WDR26: variants seen among roughly 807,000 people sequenced by gnomAD.
WDR26 encodes the protein WD repeat-containing protein 26.
A neutral mutation model predicts 84.1 loss-of-function variants in WDR26; 5 were observed. The ratio of observed to expected loss-of-function variants is 0.06; its 90% CI spans 0.03 to 0.13. WDR26 has a LOEUF of 0.13. WDR26 is among the 10% of genes least tolerant of loss of function. The probability of loss-of-function intolerance (pLI) is 1.00; values close to 1 mark genes in which losing one functional copy is unlikely to be tolerated. For missense variants in WDR26, 642 were observed against 974.9 expected (o/e 0.66, Z 4.55); for synonymous variants, 415 against 389.6 (o/e 1.07, Z -0.77).
chr1:224,402,416 G>A (rs1017374905), intron 8 of WDR26, among the ~76,000 whole-genome samples: 4 of 152,142 alleles, frequency 2.6e-5, no homozygotes, highest in African/African-American at 9.7e-5. Context: ...AGGCAGAAAT[G>A]GTTTGTCTTC....
intron 12 of WDR26, among the ~76,000 whole-genome samples, chr1:224,397,564 A>G (rs1337450222): frequency 6.6e-6 from 1 of 152,226 alleles, no homozygotes; most frequent in Non-Finnish European, 1.5e-5. Flanking sequence ...TAGTAGTAGG[A>G]AGAATAATTT....
intron 8 of WDR26, among the ~76,000 whole-genome samples, chr1:224,403,378 A>C (rs1212849428): frequency 1.3e-5 from 2 of 152,206 alleles, no homozygotes; most frequent in African/African-American, 4.8e-5. Context: ...GCATGTATGT[A>C]CAAACAAAAT....
intron 6 of WDR26, among the ~76,000 whole-genome samples, chr1:224,412,460 ATG>A (rs1673765444): frequency 6.6e-6 from 1 of 152,226 alleles, no homozygotes; most frequent in African/African-American, 2.4e-5. Context: ...TTACCCAAGG[ATG>A]AAATAAGAGG....
intron 6 of WDR26, among the ~76,000 whole-genome samples, chr1:224,415,611 C>T (rs1186464960): frequency 6.6e-6 from 1 of 152,072 alleles, no homozygotes; most frequent in Non-Finnish European, 1.5e-5. Flanking sequence ...CAGGCGTGTG[C>T]CGCCATGCCC....
At chr1:224,390,459 T>A (rs1673093435) in intron 13 of WDR26, among the ~76,000 whole-genome samples, 1 of 152,218 alleles carries the variant, frequency 6.6e-6, no homozygotes, top group Non-Finnish European at 1.5e-5. Context: ...TTGAGATAGT[T>A]AGCAGAATAG....
chr1:224,432,227 C>T (rs1674412722), intron 1 of WDR26, among the ~76,000 whole-genome samples: 1 of 152,192 alleles, frequency 6.6e-6, no homozygotes, highest in Non-Finnish European at 1.5e-5. Flanking sequence ...AGAAATTCTA[C>T]TAGGTCAATC....
chr1:224,433,622 A>ACCCCCCCCCCCCCCCCCC, intron 1 of WDR26, 62 bp downstream of exon 1: 2 of 852,362 alleles, frequency 2.3e-6, no homozygotes, highest in East Asian at 5.3e-5. Flanking sequence ...CCCTTCCCCT[A>ACCCCCCCCCCCCCCCCCC]CCCCCCTGGA....
At chr1:224,414,471 C>CGTTTTAATCAGAATA (rs1673835183) in intron 6 of WDR26, among the ~76,000 whole-genome samples, 4 of 151,118 alleles carry the variant, frequency 2.6e-5, no homozygotes, top group Admixed American at 2.0e-4. Flanking sequence ...CAGAATAATT[C>CGTTTTAATCAGAATA]ATTTTAATCA....
At chr1:224,419,496 C>T (rs745985121) in intron 5 of WDR26, 22 bp downstream of exon 5, 1 of 1,562,960 alleles carries the variant, frequency 6.4e-7, no homozygotes. Context: ...AACACAGCAA[C>T]ATAAAAAATT....
At chr1:224,415,341 T>C (rs774023519) in intron 6 of WDR26, among the ~76,000 whole-genome samples, 1 of 151,930 alleles carries the variant, frequency 6.6e-6, no homozygotes, top group Non-Finnish European at 1.5e-5. Context: ...CATTAAGGTC[T>C]AAGGCTCAGG....
intron 9 of WDR26, among the ~76,000 whole-genome samples, chr1:224,399,797 CTT>C (rs930336011): frequency 9.8e-5 from 15 of 152,292 alleles, no homozygotes; most frequent in South Asian, 4.1e-4. Context: ...GATTTATTAT[CTT>C]GTTTTAGTTT....
chr1:224,396,969 GTCTC>G (rs1406094669), intron 12 of WDR26, among the ~76,000 whole-genome samples: 1 of 152,138 alleles, frequency 6.6e-6, no homozygotes, highest in Admixed American at 6.5e-5. Flanking sequence ...ATCTCTAAAT[GTCTC>G]TCTTTGTCCC....
intron 5 of WDR26, 81 bp from the exon 6 acceptor site, chr1:224,418,497 G>A (rs1170139192): frequency 3.7e-6 from 5 of 1,346,864 alleles, no homozygotes; most frequent in East Asian, 2.5e-5. Context: ...ATCTTCTGCT[G>A]TACTTGTTCC....
chr1:224,398,583 C>G lies in WDR26; in HGVS notation c.1876G>C (p.Asp626His). 5.6e-6 allele frequency: 9 copies of G among 1,601,330 alleles called. No homozygotes were observed. Among genetic ancestry groups the G allele is most frequent in the Non-Finnish European group, 7.7e-6 (9 of 1,176,418 alleles). Reference sequence around the variant, plus strand: ...ATAGTAAAAGACATAATAGGATGATCTTCTTGTACTCTGGAACCAGAAAAT... The same window carrying G: ...ATAGTAAAAGACATAATAGGATGATGTTCTTGTACTCTGGAACCAGAAAAT... The change falls in exon 11 of 14, where the codon GAT becomes CAT. Residue 626 changes from aspartate (D) to histidine (H), a missense_variant. Physicochemically the swap from Asp to His is moderately conservative, Grantham distance 81 (BLOSUM62 -1). This residue lies in a region of WDR26 where 351 missense variants were observed against 672.8 expected (regional missense o/e 0.52). Coordinates refer to ENST00000414423, the MANE Select transcript of WDR26 (RefSeq NM_001379403.1).
At chr1:224,391,097 T>C (rs895740492) in intron 13 of WDR26, among the ~76,000 whole-genome samples, 1 of 151,148 alleles carries the variant, frequency 6.6e-6, no homozygotes, top group Non-Finnish European at 1.5e-5. Context: ...AAAAAAAAAA[T>C]ATCATGCCTG....
chr1:224,401,646 C>G (rs1257709336), intron 8 of WDR26, among the ~76,000 whole-genome samples: 2 of 106,418 alleles, frequency 1.9e-5, no homozygotes, highest in Non-Finnish European at 3.4e-5. Flanking sequence ...TGCACTCCAA[C>G]CTGGGTGACA....
chr1:224,418,213 T>C (rs1234833174), intron 6 of WDR26, 47 bp downstream of exon 6: 5 of 1,522,368 alleles, frequency 3.3e-6, no homozygotes, highest in African/African-American at 1.4e-5. Context: ...AACTAAAATT[T>C]TGTAAAATGT....
At position 224,398,471 on chromosome 1, in the gene WDR26, T is replaced by C. The variant is rs746012712; in HGVS notation, c.1944+44A>G. On this transcript the variant is annotated intron_variant, in intron 11 of 13. Coordinates refer to ENST00000414423, the MANE Select transcript of WDR26 (RefSeq NM_001379403.1). The stretch of plus-strand genomic sequence containing the variant: ...TGAAAATAACAGTTAAAATAAAACT[T>C]GTACTAAGCCAAATTTTTCAGAAAA... The C allele has an allele frequency of 3.3e-6, 5 of 1,522,210 alleles. No individual in the cohort carries two copies. The South Asian group carries it at 4.9e-5, about 15-fold the overall frequency. The allele number at this position is 1,522,210 out of a possible 1,614,324, so 94.3% of individuals were successfully genotyped here.
At chr1:224,397,603 A>T (rs1471010415) in intron 12 of WDR26, 1 of 152,426 alleles carries the variant, frequency 6.6e-6, no homozygotes, top group Non-Finnish European at 1.5e-5. Flanking sequence ...AAGAATTATC[A>T]AACTCAATTA....
Sources: gnomAD v4.1 joint callset for allele counts (sites outside exome capture counted in the v4.1 genomes callset) on GRCh38, gnomAD v4.1.1 for gene constraint, gnomAD v4.1.1 regional missense constraint, MANE v1.5 for transcripts, NCBI Gene and HGNC (gene_info 2026-07-23, HGNC 2026-07-21) for gene names.